The following DNAH11 variants were observed in gnomAD, a reference collection of about 807,000 sequenced individuals.
The protein encoded by DNAH11 is dynein axonemal heavy chain 11.
DNAH11 carries 442 observed loss-of-function variants against 526.0 expected under a neutral mutation model. That is an observed-to-expected ratio of 0.84 (90% confidence interval 0.78 to 0.91). DNAH11 has a LOEUF of 0.91. Among genes scored for constraint, DNAH11 ranks in the 40% least tolerant of loss-of-function variants. The pLI is 0.00. For synonymous variants in DNAH11, 2,461 were observed against 1,935.9 expected (o/e 1.27, Z -7.12); for missense variants, 6,989 against 5,448.7 (o/e 1.28, Z -8.90).
At chr7:21,891,094 C>A (rs1225148918) in intron 76 of DNAH11, among the ~76,000 whole-genome samples, 2 of 152,160 alleles carry the variant, frequency 1.3e-5, no homozygotes, top group South Asian at 4.1e-4. Flanking sequence ...TTCACACTTA[C>A]TTTGTCCTCT....
rs60554135 is a variant in DNAH11 at position 21,765,609 on chromosome 7, G to A, written c.9102+20G>A. On this transcript the variant is annotated intron_variant, in intron 55 of 81. Transcript: ENST00000409508. Reference sequence around the variant, plus strand: ...ATTGAGGTATGCCGTGTCAGCCTGCGTCACACACACACACACACACACACA... The same window carrying A: ...ATTGAGGTATGCCGTGTCAGCCTGCATCACACACACACACACACACACACA... The A allele has an allele frequency of 0.11, 112,014 of 1,046,238 alleles. 5,609 individuals are homozygous for A. Among genetic ancestry groups the A allele is most frequent in the East Asian group, 0.29 (10,903 of 37,802 alleles). The allele number at this position is 1,046,238 out of a possible 1,614,324, so 64.8% of individuals were successfully genotyped here. A position where few individuals can be genotyped will look rare whatever the true frequency, so the allele number is the denominator to read the frequency against.
In DNAH11 at chr7:21,759,687, A is replaced by G. The variant is rs113525940; in HGVS notation, c.8941-5741A>G. Among the ~76,000 whole-genome samples, 1,147 of 152,154 alleles carry G rather than the reference A, an allele frequency of 7.5e-3. 21 individuals carry two copies. The highest frequency in any genetic ancestry group is 0.026 in the African/African-American group (1,092 of 41,544). ...CTGAGAATAAACTATATCAACTGGAAAAAAAATACAGAGTGACTGTAGCAA... is the reference window on the plus strand; with the variant it reads ...CTGAGAATAAACTATATCAACTGGAGAAAAAATACAGAGTGACTGTAGCAA... On this transcript the variant is annotated intron_variant, in intron 54 of 81. Coordinates refer to ENST00000409508, the MANE Select transcript of DNAH11 (RefSeq NM_001277115.2).
intron 66 of DNAH11, among the ~76,000 whole-genome samples, chr7:21,843,863 C>A (rs1353641402): frequency 6.6e-6 from 1 of 152,034 alleles, no homozygotes; most frequent in Non-Finnish European, 1.5e-5. Context: ...CTAACCTGGG[C>A]AAATTTGGCA....
At chr7:21,833,177 A>G (rs1365989427) in intron 65 of DNAH11, among the ~76,000 whole-genome samples, 2 of 152,218 alleles carry the variant, frequency 1.3e-5, no homozygotes, top group South Asian at 2.1e-4. Context: ...TTAATTTTTA[A>G]TTATAGGAAT....
At position 21,589,415 on chromosome 7, in the gene DNAH11, A is replaced by AT; in HGVS notation, c.2169+18dup. 1 of 1,584,918 alleles carries AT rather than the reference A, an allele frequency of 6.3e-7. No individual in the cohort carries two copies. Among genetic ancestry groups the AT allele is most frequent in the South Asian group, 1.2e-5 (1 of 85,390 alleles). ...ATTTTGACCCAAAGGTAGGGATTTG[A>AT]TTTTTTAAGATGATTTATAAGTGCC... On this transcript the variant is annotated intron_variant, in intron 12 of 81. Coordinates refer to ENST00000409508, the MANE Select transcript of DNAH11 (RefSeq NM_001277115.2).
Position 21,570,290 on chromosome 7 carries a change from A to G in DNAH11, c.1416A>G (p.Ile472Met), listed in dbSNP as rs1224700028. 1.2e-6 allele frequency: 2 copies of G among 1,603,898 alleles called. No homozygotes were observed. The highest frequency in any genetic ancestry group is 2.2e-5 in the East Asian group (1 of 44,802). Reference protein sequence around the residue: ...CRFDKFLDRLIKIEDIFATTL... With the variant: ...CRFDKFLDRLMKIEDIFATTL... ...TTGACAAGTTTCTTGATCGTTTAAT[A>G]AAAATAGAGGTATTCATTTTTTGAT... is the stretch of plus-strand genomic sequence containing the variant. The change falls in exon 7 of 82, where the codon ATA becomes ATG. Residue 472 changes from isoleucine to methionine, a missense_variant. By Grantham distance (10) the Ile-to-Met change is conservative. Transcript: ENST00000409508.
At chr7:21,634,545 C>T (rs1786767626) in intron 25 of DNAH11, among the ~76,000 whole-genome samples, 1 of 152,122 alleles carries the variant, frequency 6.6e-6, no homozygotes, top group Non-Finnish European at 1.5e-5. Context: ...ATTTCAGTGT[C>T]ATAGAATAGT....
chr7:21,564,040 T>C, intron 5 of DNAH11, 146 bp from the exon 6 acceptor site: 1 of 532,632 alleles, frequency 1.9e-6, no homozygotes, highest in Non-Finnish European at 3.2e-6. Flanking sequence ...GTGTGTAGAT[T>C]GTAGGATAAG....
chr7:21,655,063 G>A (rs1054571123), intron 28 of DNAH11, among the ~76,000 whole-genome samples: 2 of 150,740 alleles, frequency 1.3e-5, no homozygotes, highest in Admixed American at 6.6e-5. Context: ...GTTGTTGTTG[G>A]TTTTCCCCCC....
intron 73 of DNAH11, among the ~76,000 whole-genome samples, chr7:21,869,209 C>T (rs1362184892): frequency 6.6e-6 from 1 of 152,238 alleles, no homozygotes; most frequent in Non-Finnish European, 1.5e-5. Context: ...AGCCATTGTA[C>T]TCTAAAATTA....
chr7:21,612,784 TAAACA>T (rs1785585534), intron 20 of DNAH11, among the ~76,000 whole-genome samples: 1 of 152,222 alleles, frequency 6.6e-6, no homozygotes, highest in African/African-American at 2.4e-5. Context: ...ACAAACATAC[TAAACA>T]AAACAATCAA....
Position 21,725,839 on chromosome 7 carries a change from G to A in DNAH11, c.7295G>A (p.Arg2432Gln), listed in dbSNP as rs769003090. The A allele has an allele frequency of 3.0e-5, 48 of 1,611,674 alleles. No homozygotes were observed. The African/African-American group carries it at 4.1e-4, about 14-fold the overall frequency. ...QISDYQADFS[R>Q]WWQKEMKAVK... ...TCTGATTATCAAGCTGACTTCAGTC[G>A]GTGGTGGCAGAAAGAGATGAAAGCA... Residue 2432 changes from arginine (R) to glutamine (Q), a missense_variant, in exon 45 of 82, where the codon CGG becomes CAG. Coordinates refer to ENST00000409508, the MANE Select transcript of DNAH11 (RefSeq NM_001277115.2).
chr7:21,613,690 C>G (rs1229063689), intron 20 of DNAH11, among the ~76,000 whole-genome samples: 1 of 152,090 alleles, frequency 6.6e-6, no homozygotes. Flanking sequence ...GTTCTCACCA[C>G]AAAAAGTGTG....
chr7:21,660,412 A>T (rs570273642), intron 30 of DNAH11, among the ~76,000 whole-genome samples: 1 of 151,836 alleles, frequency 6.6e-6, no homozygotes, highest in East Asian at 1.9e-4. Context: ...TTTTTTTTCT[A>T]ACTCTTATCT....
At chr7:21,788,562 T>G (rs78962705) in intron 60 of DNAH11, among the ~76,000 whole-genome samples, 2,682 of 152,194 alleles carry the variant, frequency 0.018, 62 homozygotes, top group African/African-American at 0.055. Context: ...AAATTTAATT[T>G]CCTTCCTCTC....
At position 21,559,628 on chromosome 7, in the gene DNAH11, C is replaced by T; in HGVS notation, c.718C>T (p.Leu240Phe). 1 of 1,610,172 alleles carries T rather than the reference C, an allele frequency of 6.2e-7. No homozygotes were observed. The highest frequency in any genetic ancestry group is 2.2e-5 in the East Asian group (1 of 44,762). ...GCCACCGTCAAACGAAAGGATAATA[C>T]TTCATGCAATTGAATCTGTGGTTAT... is the stretch of plus-strand genomic sequence containing the variant. ...NKPPSNERII[L>F]HAIESVVIEW... The change falls in exon 4 of 82, where the codon CTT becomes TTT. Residue 240 changes from leucine to phenylalanine, a missense_variant. Coordinates refer to ENST00000409508, the MANE Select transcript of DNAH11 (RefSeq NM_001277115.2).
At chr7:21,714,455 G>C (rs1784575604) in intron 42 of DNAH11, among the ~76,000 whole-genome samples, 2 of 152,062 alleles carry the variant, frequency 1.3e-5, no homozygotes. Flanking sequence ...TTAGAATAAA[G>C]GGTATTTTTT....
At position 21,808,205 on chromosome 7, in the gene DNAH11, T is replaced by C. The variant is rs77694844; in HGVS notation, c.10332+156T>C. 9.8e-3 allele frequency among the ~76,000 whole-genome samples: 1,496 copies of C among 152,326 alleles called. 20 individuals are homozygous for C. Among genetic ancestry groups the C allele is most frequent in the African/African-American group, 0.034 (1,412 of 41,566 alleles). On this transcript the variant is annotated intron_variant, in intron 63 of 81. Transcript: ENST00000409508. The stretch of plus-strand genomic sequence containing the variant: ...TGTTTCTCATGTGCTGCAGTTTTTC[T>C]TATTTTTACAAAGTTCATAATAAAT...
chr7:21,814,881 GA>G (rs968881513), intron 63 of DNAH11, among the ~76,000 whole-genome samples: 18 of 152,014 alleles, frequency 1.2e-4, no homozygotes, highest in African/African-American at 4.1e-4. Flanking sequence ...ATATTTTTAT[GA>G]AAAAAATTCT....
Sources: gnomAD v4.1 joint callset for allele counts (sites outside exome capture counted in the v4.1 genomes callset) on GRCh38, gnomAD v4.1.1 for gene constraint, MANE v1.5 for transcripts, NCBI Gene and HGNC (gene_info 2026-07-23, HGNC 2026-07-21) for gene names.